The following LRRC4C variants were observed in gnomAD, a reference collection of about 807,000 sequenced individuals.
LRRC4C encodes leucine rich repeat containing 4C, also known as leucine-rich repeat-containing protein 4C.
Under a neutral mutation model 33.6 loss-of-function variants are expected in LRRC4C, and 5 were observed. The ratio of observed to expected loss-of-function variants is 0.15; its 90% CI spans 0.08 to 0.31. LRRC4C has a LOEUF of 0.31. Ranked by LOEUF, LRRC4C falls within the 10% of genes least tolerant of loss-of-function variation. LRRC4C has a pLI of 1.00. For synonymous variants in LRRC4C, 329 were observed against 302.0 expected, an observed-to-expected ratio of 1.09 and a Z score of -0.93; for missense variants, 560 against 796.7, an observed-to-expected ratio of 0.70 and a Z score of 3.58.
chr11:40,923,439 T>C (rs550615767), intron 2 of LRRC4C, among the ~76,000 whole-genome samples: 47 of 152,326 alleles, frequency 3.1e-4, no homozygotes, highest in African/African-American at 1.1e-3. Context: ...TGACCAATAA[T>C]GTGTGAGTAG....
chr11:40,721,626 G>A (rs1947019315), intron 2 of LRRC4C, among the ~76,000 whole-genome samples: 1 of 152,154 alleles, frequency 6.6e-6, no homozygotes, highest in African/African-American at 2.4e-5. Flanking sequence ...ATCACTTCTG[G>A]TCATCAGCAA....
intron 6 of LRRC4C, among the ~76,000 whole-genome samples, chr11:40,118,793 G>A (rs186370110): frequency 3.0e-4 from 46 of 152,282 alleles, no homozygotes; most frequent in Middle Eastern, 3.4e-3. Flanking sequence ...TCAAACTTAA[G>A]AGTCCCAATT....
At chr11:40,880,937 GTT>G (rs1038478300) in intron 2 of LRRC4C, among the ~76,000 whole-genome samples, 26 of 151,174 alleles carry the variant, frequency 1.7e-4, no homozygotes, top group African/African-American at 5.6e-4. Flanking sequence ...TCTACCACAT[GTT>G]GTAAGGAAAA....
intron 2 of LRRC4C, among the ~76,000 whole-genome samples, chr11:40,926,497 A>G (rs964854794): frequency 1.3e-5 from 2 of 152,212 alleles, no homozygotes; most frequent in African/African-American, 2.4e-5. Context: ...CTCTCTTACA[A>G]TGCTTGATAA....
intron 2 of LRRC4C, among the ~76,000 whole-genome samples, chr11:40,817,646 T>A (rs2135436695): frequency 6.6e-6 from 1 of 152,224 alleles, no homozygotes; most frequent in Non-Finnish European, 1.5e-5. Flanking sequence ...ACAAACATCA[T>A]CCAGTAATTT....
intron 3 of LRRC4C, among the ~76,000 whole-genome samples, chr11:40,347,887 C>A (rs144907676): frequency 5.3e-5 from 8 of 152,258 alleles, no homozygotes; most frequent in Non-Finnish European, 1.2e-4. Context: ...GTATTACAGG[C>A]GTGAGCCACT....
chr11:40,423,528 T>C (rs889924254), intron 3 of LRRC4C, among the ~76,000 whole-genome samples: 3 of 151,820 alleles, frequency 2.0e-5, no homozygotes, highest in African/African-American at 7.3e-5. Flanking sequence ...GTATTTTTAG[T>C]AGAGACGGGG....
At position 41,445,865 on chromosome 11, in the gene LRRC4C, C is replaced by CGT. The variant is rs748457357; in HGVS notation, c.-496+13565_-496+13566insAC. Among the ~76,000 whole-genome samples, 18 of 135,554 alleles carry CGT rather than the reference C, an allele frequency of 1.3e-4. No individual in the cohort carries two copies. The East Asian group carries it at 1.4e-3, about 10-fold the overall frequency. The allele number at this position is 135,554 out of a possible 152,430, so 88.9% of individuals were successfully genotyped here. ...CACAGTGTGTATGAATGAGTGACTG[C>CGT]ATGTGTGTGTGTGTGTGTGTGTGTG... On this transcript the variant is annotated intron_variant, in intron 1 of 6. Coordinates refer to ENST00000528697, the MANE Select transcript of LRRC4C (RefSeq NM_001258419.2).
At chr11:40,498,654 G>A (rs1954591942) in intron 3 of LRRC4C, among the ~76,000 whole-genome samples, 1 of 152,150 alleles carries the variant, frequency 6.6e-6, no homozygotes, top group South Asian at 2.1e-4. Context: ...ATGTTGTGGT[G>A]AGAATTGACT....
intron 1 of LRRC4C, among the ~76,000 whole-genome samples, chr11:41,233,878 G>A (rs1591016414): frequency 6.6e-6 from 1 of 151,446 alleles, no homozygotes; most frequent in Non-Finnish European, 1.5e-5. Context: ...CTAGTCCTTA[G>A]TTCTTAGATT....
chr11:41,456,480 A>T (rs891776637), intron 1 of LRRC4C, among the ~76,000 whole-genome samples: 1 of 152,050 alleles, frequency 6.6e-6, no homozygotes, highest in Non-Finnish European at 1.5e-5. Context: ...GGTCTTAAAA[A>T]CACAGAAACA....
intron 1 of LRRC4C, among the ~76,000 whole-genome samples, chr11:41,264,547 T>A (rs1949088044): frequency 6.6e-6 from 1 of 152,260 alleles, no homozygotes; most frequent in African/African-American, 2.4e-5. Context: ...CACATGTACA[T>A]ATAGACCCAC....
In LRRC4C at chr11:40,555,731, C is replaced by A. The variant is rs564791123; in HGVS notation, c.-270+92411G>T. 2.0e-5 allele frequency among the ~76,000 whole-genome samples: 3 copies of A among 152,212 alleles called. No homozygotes were observed. In the East Asian group the frequency reaches 5.8e-4, roughly 29 times the overall value. ...GGACCGTGTATATTTTTCGTGACAT[C>A]CACCACCACAGATAAGCAAAAAAGC... On this transcript the variant is annotated intron_variant, in intron 3 of 6. Transcript: ENST00000528697.
chr11:40,953,675 T>G (rs1270424697), intron 1 of LRRC4C, among the ~76,000 whole-genome samples: 1 of 151,700 alleles, frequency 6.6e-6, no homozygotes, highest in Non-Finnish European at 1.5e-5. Flanking sequence ...CATTGACCTA[T>G]AAGGACTTAT....
chr11:40,936,034 AT>A (rs1565219231), intron 1 of LRRC4C, among the ~76,000 whole-genome samples: 19 of 57,466 alleles, frequency 3.3e-4, no homozygotes, highest in South Asian at 1.8e-3. Context: ...ATATATATAT[AT>A]ATATATATAT....
intron 5 of LRRC4C, among the ~76,000 whole-genome samples, chr11:40,152,018 A>T (rs1048974426): frequency 7.2e-5 from 11 of 152,284 alleles, no homozygotes; most frequent in African/African-American, 2.6e-4. Flanking sequence ...TGTGAATTTT[A>T]GCTCCAGATG....
intron 2 of LRRC4C, among the ~76,000 whole-genome samples, chr11:40,876,049 G>C (rs1471875148): frequency 6.6e-6 from 1 of 152,066 alleles, no homozygotes; most frequent in Non-Finnish European, 1.5e-5. Flanking sequence ...TTGGAAATGG[G>C]AGCAGGATTT....
intron 3 of LRRC4C, among the ~76,000 whole-genome samples, chr11:40,375,169 C>G (rs1177167630): frequency 6.6e-6 from 1 of 152,116 alleles, no homozygotes; most frequent in Non-Finnish European, 1.5e-5. Context: ...CACTGTAACA[C>G]ACTTTTTGTT....
chr11:40,818,718 A>T (rs1951803666), intron 2 of LRRC4C, among the ~76,000 whole-genome samples: 1 of 152,068 alleles, frequency 6.6e-6, no homozygotes, highest in African/African-American at 2.4e-5. Flanking sequence ...CTACTCAAAA[A>T]CCTTACATAT....
Sources: gnomAD v4.1 joint callset for allele counts (sites outside exome capture counted in the v4.1 genomes callset) on GRCh38, gnomAD v4.1.1 for gene constraint, MANE v1.5 for transcripts, NCBI Gene and HGNC (gene_info 2026-07-23, HGNC 2026-07-21) for gene names.